SYNPO2L: variants seen among roughly 807,000 people sequenced by gnomAD.
SYNPO2L encodes synaptopodin 2 like.
In SYNPO2L, 34 loss-of-function variants were observed where a neutral mutation model predicts 47.5. The observed-to-expected ratio is 0.72, with a 90% CI of 0.54 to 0.95. The LOEUF (loss-of-function observed/expected upper bound fraction) is 0.95. Ranked by LOEUF, SYNPO2L falls within the 40% of genes least tolerant of loss-of-function variation. SYNPO2L has a pLI of 0.00. For missense variants in SYNPO2L, 1,246 were observed against 1,282.0 expected (o/e 0.97, Z 0.43); for synonymous variants, 536 against 524.9 (o/e 1.02, Z -0.29).
chr10:73,647,797 CA>C lies in SYNPO2L; in HGVS notation c.1854del (p.Ala619ProfsTer59). The C allele has an allele frequency of 6.2e-7, 1 of 1,609,394 alleles. No individual in the cohort carries two copies. On this transcript the variant is annotated frameshift_variant, in exon 4 of 4. Coordinates refer to ENST00000394810, the MANE Select transcript of SYNPO2L (RefSeq NM_001114133.3). LOFTEE classifies it high-confidence loss of function. ...SAREQRISVP[A>X]ARTGILQEAR... ...GCCTCCTGCAGGATACCCGTGCGGG[CA>C]GCTGGCACAGAGATGCGCTGCTCGC...
chr10:73,655,465 C>A (rs1013320803), intron 1 of SYNPO2L, among the ~76,000 whole-genome samples: 1 of 152,050 alleles, frequency 6.6e-6, no homozygotes, highest in African/African-American at 2.4e-5. Flanking sequence ...GAAATTAGAA[C>A]CTTCCCCGTA....
chr10:73,650,865 C>A, intron 3 of SYNPO2L: 1 of 1,540,032 alleles, frequency 6.5e-7, no homozygotes, highest in Non-Finnish European at 8.8e-7. Context: ...ATCTTCCCCT[C>A]CATTCTAGAC....
At chr10:73,650,111 G>C (rs1414340361) in intron 3 of SYNPO2L, 3 of 985,390 alleles carry the variant, frequency 3.0e-6, no homozygotes, top group South Asian at 9.4e-5. Flanking sequence ...ACCCTGCTGC[G>C]AGGACCCCGC....
chr10:73,651,512 A>G (rs2081841150), intron 3 of SYNPO2L, among the ~76,000 whole-genome samples: 1 of 152,176 alleles, frequency 6.6e-6, no homozygotes, highest in Non-Finnish European at 1.5e-5. Context: ...TTTTGGAGGT[A>G]ACAAGAACGG....
chr10:73,655,865 G>A lies in SYNPO2L; in HGVS notation c.58C>T (p.Arg20Ter), dbSNP rs527881798. The A allele has an allele frequency of 5.1e-5, 79 of 1,551,040 alleles. 4 individuals are homozygous for A. In the South Asian group the frequency reaches 6.8e-4, roughly 13 times the overall value. Residue 20 changes from arginine to a stop codon, truncating the protein, a stop_gained, in exon 1 of 4, where the codon CGA becomes TGA. Transcript: ENST00000394810. LOFTEE classifies it high-confidence loss of function. ...CTCTGCTCGGCCCCCCCATGAAGTC[G>A]GAAGCCCCAGGGGGCTCCCCCTGAT... ...TLSGGAPWGF[R>*]LHGGAEQRKP...
rs2081754544 is a variant in SYNPO2L at position 73,646,719 on chromosome 10, C to T, written c.2933G>A (p.Ter978=). Residue 978 remains the stop codon, a stop_retained_variant, in exon 4 of 4, where the codon TGA becomes TAA. Coordinates refer to ENST00000394810, the MANE Select transcript of SYNPO2L (RefSeq NM_001114133.3). ...CTTGGTCCTGGGACCTGTGCCTGTT[C>T]ACTGGTGCCCTGCCCCAGGCCTCCA... The part of the protein sequence containing the change: ...HVWRPGAGHQ[*] 1 of 1,480,148 alleles carries T rather than the reference C, an allele frequency of 6.8e-7. No homozygotes were observed. Among genetic ancestry groups the T allele is most frequent in the Non-Finnish European group, 9.0e-7 (1 of 1,113,988 alleles). The allele number at this position is 1,480,148 out of a possible 1,614,324, so 91.7% of individuals were successfully genotyped here.
Position 73,645,147 on chromosome 10 carries a change from G to A in SYNPO2L, c.*1571C>T, listed in dbSNP as rs2081733317. 2 of 1,207,958 alleles carry A rather than the reference G, an allele frequency of 1.7e-6. No individual in the cohort carries two copies. The highest frequency in any genetic ancestry group is 2.1e-6 in the Non-Finnish European group (2 of 952,662). The allele number at this position is 1,207,958 out of a possible 1,614,324, so 74.8% of individuals were successfully genotyped here. ...ACTCTTTCCCAGGCAGTCATGGCAA[G>A]CTGCAGAAGACACACTGAAGAACAG... On this transcript the variant is annotated 3_prime_UTR_variant, in exon 4 of 4. Transcript: ENST00000394810.
chr10:73,649,744 G>A lies in SYNPO2L; in HGVS notation c.773-865C>T, dbSNP rs747334149. 6.8e-5 allele frequency: 67 copies of A among 985,394 alleles called. No homozygotes were observed. The Admixed American group carries it at 1.7e-3, about 24-fold the overall frequency. 61.0% of individuals were successfully genotyped at this position (985,394 alleles called of 1,614,324 possible). A position where few individuals can be genotyped will look rare whatever the true frequency, so the allele number is the denominator to read the frequency against. On this transcript the variant is annotated intron_variant, in intron 3 of 3. Coordinates refer to ENST00000394810, the MANE Select transcript of SYNPO2L (RefSeq NM_001114133.3). ...CCTGTTACTAACAGTTTAGACAGAA[G>A]TTAAAGTTGATCTCGGCCTTCCAAC...
rs1460068041 is a variant in SYNPO2L, at chr10:73,653,177, T to A, written c.734A>T (p.Asp245Val). The change falls in exon 3 of 4, where the codon GAT becomes GTT. Residue 245 changes from aspartate to valine, a missense_variant. Coordinates refer to ENST00000394810, the MANE Select transcript of SYNPO2L (RefSeq NM_001114133.3). ...VGPVPHPVAE[D>V]LTTTYTQKAK... is the part of the protein sequence containing the mutation. ...CTTCTGGGTGTAGGTGGTAGTAAGA[T>A]CTTCTGCCACTGGGTGGGGAACAGG... 3 of 1,455,182 alleles carry A rather than the reference T, an allele frequency of 2.1e-6. No homozygotes were observed. In the East Asian group the frequency reaches 7.5e-5, roughly 36 times the overall value. The allele number at this position is 1,455,182 out of a possible 1,614,324, so 90.1% of individuals were successfully genotyped here.
intron 3 of SYNPO2L, among the ~76,000 whole-genome samples, chr10:73,649,422 A>T (rs985881066): frequency 3.9e-5 from 6 of 152,176 alleles, no homozygotes; most frequent in Non-Finnish European, 8.8e-5. Flanking sequence ...AGCAATGAGG[A>T]TCTTCATTCA....
chr10:73,645,398 C>T lies in SYNPO2L; in HGVS notation c.*1320G>A. On this transcript the variant is annotated 3_prime_UTR_variant, in exon 4 of 4. Coordinates refer to ENST00000394810, the MANE Select transcript of SYNPO2L (RefSeq NM_001114133.3). ...TGTCTGTGGCTCAATCACTTACACT[C>T]ATTTCTGCCATGCTTCTGATTTTGG... is the stretch of plus-strand genomic sequence containing the variant. The T allele has an allele frequency of 1.0e-6, 1 of 1,002,880 alleles. No individual in the cohort carries two copies. The highest frequency in any genetic ancestry group is 1.2e-6 in the Non-Finnish European group (1 of 842,010). The allele number at this position is 1,002,880 out of a possible 1,614,324, so 62.1% of individuals were successfully genotyped here. A position where few individuals can be genotyped will look rare whatever the true frequency, so the allele number is the denominator to read the frequency against.
At position 73,645,016 on chromosome 10, in the gene SYNPO2L, C is replaced by T. The variant is rs1245483468; in HGVS notation, c.*1702G>A. 8.7e-6 allele frequency: 11 copies of T among 1,260,392 alleles called. No individual in the cohort carries two copies. The Admixed American group carries it at 1.8e-4, about 20-fold the overall frequency. 78.1% of individuals were successfully genotyped at this position (1,260,392 alleles called of 1,614,324 possible). On this transcript the variant is annotated 3_prime_UTR_variant, in exon 4 of 4. Transcript: ENST00000394810. ...TGGTGGTCTTGGTGAGAAGGGAGTC[C>T]ATACTAAGATTGGAGATCAGGACCT...
chr10:73,651,252 C>T (rs566216185), intron 3 of SYNPO2L, among the ~76,000 whole-genome samples: 1 of 152,212 alleles, frequency 6.6e-6, no homozygotes, highest in East Asian at 1.9e-4. Flanking sequence ...AAAAATATCT[C>T]TGAGCCAGTA....
rs942144626 is a variant in SYNPO2L, at chr10:73,646,514, C to A, written c.*204G>T. ...GCAGAGACAAAGAGAGGCAAAGATA[C>A]CAAAGCAGACATACTTGGTTGGAAA... is the stretch of plus-strand genomic sequence containing the variant. On this transcript the variant is annotated 3_prime_UTR_variant, in exon 4 of 4. Coordinates refer to ENST00000394810, the MANE Select transcript of SYNPO2L (RefSeq NM_001114133.3). 3.3e-5 allele frequency: 41 copies of A among 1,240,960 alleles called. No homozygotes were observed. Among genetic ancestry groups the A allele is most frequent in the Non-Finnish European group, 4.0e-5 (40 of 993,442 alleles). The allele number at this position is 1,240,960 out of a possible 1,614,324, so 76.9% of individuals were successfully genotyped here. A position where few individuals can be genotyped will look rare whatever the true frequency, so the allele number is the denominator to read the frequency against.
In SYNPO2L at chr10:73,647,562, G is replaced by A. The variant is rs949047754; in HGVS notation, c.2090C>T (p.Thr697Ile). The A allele has an allele frequency of 4.8e-5, 77 of 1,608,694 alleles. No individual in the cohort carries two copies. The highest frequency in any genetic ancestry group is 6.5e-5 in the Non-Finnish European group (76 of 1,176,308). ...GGTCTTAGGTGTCACGTGAGGCAGG[G>A]TCTTGTAACTCCTGGCCCCTACTGG... ...MQPVGARSYK[T>I]LPHVTPKTPP... is the part of the protein sequence containing the mutation. The change falls in exon 4 of 4, where the codon ACC becomes ATC. Residue 697 changes from threonine to isoleucine, a missense_variant. Physicochemically the swap from Thr to Ile is moderately conservative, Grantham distance 89 (BLOSUM62 -1). This residue lies in a region of SYNPO2L where 1,037 missense variants were observed against 1,021.5 expected (regional missense o/e 1.02). Coordinates refer to ENST00000394810, the MANE Select transcript of SYNPO2L (RefSeq NM_001114133.3).
In SYNPO2L at chr10:73,647,102, C is replaced by G; in HGVS notation, c.2550G>C (p.Met850Ile). The change falls in exon 4 of 4, where the codon ATG becomes ATC. Residue 850 changes from methionine (M) to isoleucine (I), a missense_variant. Met to Ile is a conservative substitution (Grantham distance 10, BLOSUM62 1). Transcript: ENST00000394810. ...TTTTAAGTTGATAGGGCTGATGCCG[C>G]ATAAAATCTAGAGCCTTGATGCCCT... The part of the protein sequence containing the change: ...PKQGIKALDF[M>I]RHQPYQLKTA... 6.2e-7 allele frequency: 1 copy of G among 1,613,770 alleles called. No homozygotes were observed. The highest frequency in any genetic ancestry group is 2.2e-5 in the East Asian group (1 of 44,846).
At position 73,653,585 on chromosome 10, in the gene SYNPO2L, G is replaced by A; in HGVS notation, c.326C>T (p.Pro109Leu). ...AGCACCAGGGGGCTCAGGACTTAGT[G>A]GAGATAAGGGTGACAGCACCTGAAG... ...HELQVLSPLS[P>L]LSPEPPGAPV... The change falls in exon 3 of 4, where the codon CCA becomes CTA. Residue 109 changes from proline (P) to leucine (L), a missense_variant. Physicochemically the swap from Pro to Leu is moderately conservative, Grantham distance 98 (BLOSUM62 -3). This residue lies in a region of SYNPO2L where 148 missense variants were observed against 204.8 expected (regional missense o/e 0.72). Coordinates refer to ENST00000394810, the MANE Select transcript of SYNPO2L (RefSeq NM_001114133.3). 1 of 1,552,142 alleles carries A rather than the reference G, an allele frequency of 6.4e-7. No homozygotes were observed. The highest frequency in any genetic ancestry group is 8.7e-7 in the Non-Finnish European group (1 of 1,147,014).
In SYNPO2L at chr10:73,655,797, A is replaced by T. The variant is rs1373294405; in HGVS notation, c.105+21T>A. The T allele has an allele frequency of 2.7e-6, 4 of 1,506,470 alleles. No homozygotes were observed. In the East Asian group the frequency reaches 8.0e-5, roughly 30 times the overall value. 93.3% of individuals were successfully genotyped at this position (1,506,470 alleles called of 1,614,324 possible). ...TTGGGTTCCCTTTCCCTGAAGCCTCATTTCAGGGGCTCTCCCTTACCTTAG... is the reference window on the plus strand; with the variant it reads ...TTGGGTTCCCTTTCCCTGAAGCCTCTTTTCAGGGGCTCTCCCTTACCTTAG... On this transcript the variant is annotated intron_variant, in intron 1 of 3. Coordinates refer to ENST00000394810, the MANE Select transcript of SYNPO2L (RefSeq NM_001114133.3).
In SYNPO2L at chr10:73,646,225, G is replaced by A. The variant is rs554375437; in HGVS notation, c.*493C>T. The A allele has an allele frequency of 5.8e-4, 570 of 981,548 alleles. 1 individual carries two copies. Among genetic ancestry groups the A allele is most frequent in the Non-Finnish European group, 6.4e-4 (532 of 830,576 alleles). The allele number at this position is 981,548 out of a possible 1,614,324, so 60.8% of individuals were successfully genotyped here. ...ACACACACACACACACACAGGCCTA[G>A]GTATATGCCAGTCAAGCTTGGGAAA... On this transcript the variant is annotated 3_prime_UTR_variant, in exon 4 of 4. Coordinates refer to ENST00000394810, the MANE Select transcript of SYNPO2L (RefSeq NM_001114133.3).
Sources: allele counts gnomAD v4.1 joint callset (sites outside exome capture counted in the v4.1 genomes callset), GRCh38; gene constraint gnomAD v4.1.1; regional missense constraint gnomAD v4.1.1; transcripts MANE v1.5; gene names NCBI Gene and HGNC (gene_info 2026-07-23, HGNC 2026-07-21).